NBEA: variants seen among roughly 807,000 people sequenced by gnomAD.
NBEA encodes the protein lysosomal-trafficking regulator 2.
Under a neutral mutation model 343.4 loss-of-function variants are expected in NBEA, and 44 were observed. That is an observed-to-expected ratio of 0.13 (90% CI 0.10 to 0.16). The LOEUF is 0.16. Ranked by LOEUF, NBEA falls within the 10% of genes least tolerant of loss-of-function variation. NBEA has a pLI of 1.00. For missense variants in NBEA, 2,555 were observed against 3,631.3 expected (o/e 0.70, Z 7.62); for synonymous variants, 1,175 against 1,238.7 (o/e 0.95, Z 1.08).
At position 35,092,878 on chromosome 13, in the gene NBEA, C is replaced by G. The variant is rs1307641775; in HGVS notation, c.1572-5419C>G. 3.9e-5 allele frequency among the ~76,000 whole-genome samples: 6 copies of G among 152,040 alleles called. No individual in the cohort carries two copies. The East Asian group carries it at 1.2e-3, about 29-fold the overall frequency. On this transcript the variant is annotated intron_variant, in intron 10 of 58. Coordinates refer to ENST00000379939, the MANE Select transcript of NBEA (RefSeq NM_001385012.1). Reference sequence around the variant, plus strand: ...ATGAGAAATGAATGGAAATCATGTCCACACAAAAGCCTTTATGTGAATGTT... The same window carrying G: ...ATGAGAAATGAATGGAAATCATGTCGACACAAAAGCCTTTATGTGAATGTT...
intron 1 of NBEA, among the ~76,000 whole-genome samples, chr13:34,977,823 CT>C (rs35468103): frequency 0.38 from 57,286 of 149,992 alleles, 11,433 homozygotes; most frequent in East Asian, 0.49. Flanking sequence ...ATTTAAAGTT[CT>C]TTTTTTTTTG....
chr13:35,539,782 G>T (rs888691938), intron 41 of NBEA, among the ~76,000 whole-genome samples: 3 of 151,274 alleles, frequency 2.0e-5, no homozygotes, highest in Non-Finnish European at 4.4e-5. Context: ...CGGGCGTGGT[G>T]GCGGGCGCCT....
rs774498601 is a variant in NBEA, at chr13:35,352,140, T to C, written c.6013-17T>C. 2 of 1,393,248 alleles carry C rather than the reference T, an allele frequency of 1.4e-6. No individual in the cohort carries two copies. The highest frequency in any genetic ancestry group is 1.9e-6 in the Non-Finnish European group (2 of 1,056,150). 86.3% of individuals were successfully genotyped at this position (1,393,248 alleles called of 1,614,324 possible). ...GTAAAAAGTTTATTATTATGCATCA[T>C]TTGTATTTCTTTATAGTCACAGTGT... On this transcript the variant is annotated splice_polypyrimidine_tract_variant and intron_variant, in intron 37 of 58. Transcript: ENST00000379939.
chr13:35,571,915 G>A (rs1187198119), intron 45 of NBEA, among the ~76,000 whole-genome samples: 2 of 151,526 alleles, frequency 1.3e-5, no homozygotes, highest in Non-Finnish European at 2.9e-5. Flanking sequence ...TTGTTCTTTG[G>A]CCCACTTAAT....
At chr13:35,143,492 A>G (rs1187243179) in intron 18 of NBEA, among the ~76,000 whole-genome samples, 1 of 151,830 alleles carries the variant, frequency 6.6e-6, no homozygotes, top group South Asian at 2.1e-4. Context: ...ATTTTGTTAT[A>G]GATTTAGATG....
chr13:35,542,603 A>G (rs532726594), intron 41 of NBEA, among the ~76,000 whole-genome samples: 4 of 152,248 alleles, frequency 2.6e-5, no homozygotes, highest in African/African-American at 7.2e-5. Flanking sequence ...GGTCTATAGC[A>G]GTTGTTCTCT....
intron 49 of NBEA, among the ~76,000 whole-genome samples, chr13:35,643,464 T>TA: frequency 6.6e-6 from 1 of 152,326 alleles, no homozygotes; most frequent in South Asian, 2.1e-4. Context: ...ATTGTAAAAG[T>TA]AAAAAATTCT....
At chr13:35,472,558 T>G in intron 41 of NBEA, 22 bp downstream of exon 41, 1 of 1,613,964 alleles carries the variant, frequency 6.2e-7, no homozygotes, top group Non-Finnish European at 8.5e-7. Flanking sequence ...CGATTCCATG[T>G]ACAGTATTGG....
At chr13:35,095,428 C>T (rs530402013) in intron 10 of NBEA, among the ~76,000 whole-genome samples, 2 of 151,506 alleles carry the variant, frequency 1.3e-5, no homozygotes, top group South Asian at 4.2e-4. Flanking sequence ...GGCCAAAAAG[C>T]TCTGGAGAAG....
In NBEA at chr13:35,308,620, G is replaced by GCA. The variant is rs1226545122; in HGVS notation, c.5839-895_5839-894dup. Among the ~76,000 whole-genome samples the GCA allele has an allele frequency of 3.3e-3, 226 of 69,180 alleles. 1 individual carries two copies. The highest frequency in any genetic ancestry group is 0.011 in the African/African-American group (209 of 18,200). 45.4% of individuals were successfully genotyped at this position (69,180 alleles called of 152,430 possible). On this transcript the variant is annotated intron_variant, in intron 35 of 58. Transcript: ENST00000379939. ...TATATGTATATATGTATATATATATGCACACACACACACAGATATATATAT... is the reference window on the plus strand; with the variant it reads ...TATATGTATATATGTATATATATATGCACACACACACACACAGATATATATAT...
In NBEA at chr13:35,207,881, A is replaced by T. The variant is rs183495933; in HGVS notation, c.5367-819A>T. 8.5e-5 allele frequency among the ~76,000 whole-genome samples: 13 copies of T among 152,260 alleles called. No homozygotes were observed. The East Asian group carries it at 2.3e-3, about 27-fold the overall frequency. ...TTGTGCTCTTAGAAGTTTATTTATT[A>T]TTCCTTGGTTTAATTTTCAGCTTTA... On this transcript the variant is annotated intron_variant, in intron 31 of 58. Coordinates refer to ENST00000379939, the MANE Select transcript of NBEA (RefSeq NM_001385012.1).
chr13:35,360,469 C>G (rs1244466981), intron 38 of NBEA, among the ~76,000 whole-genome samples: 1 of 151,888 alleles, frequency 6.6e-6, no homozygotes, highest in African/African-American at 2.4e-5. Context: ...GGATACAATC[C>G]AAAACTACTC....
chr13:35,127,161 A>G (rs1202226922), intron 17 of NBEA, among the ~76,000 whole-genome samples: 2 of 152,168 alleles, frequency 1.3e-5, no homozygotes, highest in Non-Finnish European at 2.9e-5. Flanking sequence ...TAGTGCACAA[A>G]TAAGGAGAAA....
chr13:35,538,440 CAATCATTTTCTT>C (rs1331196811), intron 41 of NBEA, among the ~76,000 whole-genome samples: 6 of 152,128 alleles, frequency 3.9e-5, no homozygotes, highest in Non-Finnish European at 7.4e-5. Flanking sequence ...TACTGATAAG[CAATCATTTTCTT>C]ACACTTATTC....
At chr13:34,943,212 G>C in intron 1 of NBEA, 98 bp downstream of exon 1, 3 of 1,466,786 alleles carry the variant, frequency 2.0e-6, no homozygotes, top group Non-Finnish European at 2.8e-6. Flanking sequence ...GGTCACACGC[G>C]CCGCGCGTCC....
intron 1 of NBEA, among the ~76,000 whole-genome samples, chr13:34,981,444 T>C (rs1341030023): frequency 6.6e-6 from 1 of 152,226 alleles, no homozygotes; most frequent in African/African-American, 2.4e-5. Context: ...TTTAAGAAAC[T>C]GCCAGACTAT....
intron 38 of NBEA, among the ~76,000 whole-genome samples, chr13:35,400,361 AGAACTATT>A (rs1778212683): frequency 6.6e-6 from 1 of 152,038 alleles, no homozygotes; most frequent in African/African-American, 2.4e-5. Flanking sequence ...CATATATCAT[AGAACTATT>A]GTAAGAATTA....
intron 41 of NBEA, among the ~76,000 whole-genome samples, chr13:35,489,583 C>T (rs1208492565): frequency 6.6e-6 from 1 of 151,886 alleles, no homozygotes; most frequent in Admixed American, 6.6e-5. Context: ...TTATGCTTAG[C>T]TGATGGACAT....
At chr13:35,320,379 T>G (rs565466286) in intron 36 of NBEA, among the ~76,000 whole-genome samples, 28 of 152,336 alleles carry the variant, frequency 1.8e-4, no homozygotes, top group African/African-American at 6.7e-4. Context: ...GGATATGAAA[T>G]TCTGAGTTGA....
Sources: allele counts gnomAD v4.1 joint callset (sites outside exome capture counted in the v4.1 genomes callset), GRCh38; gene constraint gnomAD v4.1.1; transcripts MANE v1.5; gene names NCBI Gene and HGNC (gene_info 2026-07-23, HGNC 2026-07-21).